TMEM62: variants seen among roughly 807,000 people sequenced by gnomAD.
TMEM62 encodes transmembrane protein 62.
TMEM62 carries 41 observed loss-of-function variants against 70.4 expected under a neutral mutation model. The observed-to-expected ratio is 0.58, with a 90% CI of 0.45 to 0.76. The LOEUF (loss-of-function observed/expected upper bound fraction) is 0.76. Ranked by LOEUF, TMEM62 falls within the 30% of genes least tolerant of loss-of-function variation. The pLI is 0.00. For missense variants in TMEM62, 688 were observed against 788.5 expected, an observed-to-expected ratio of 0.87 and a Z score of 1.53; for synonymous variants, 268 against 291.0, an observed-to-expected ratio of 0.92 and a Z score of 0.80.
chr15:43,160,678 T>C lies in TMEM62; in HGVS notation c.1183-3T>C. The C allele has an allele frequency of 6.4e-7, 1 of 1,559,428 alleles. No homozygotes were observed. The highest frequency in any genetic ancestry group is 8.8e-7 in the Non-Finnish European group (1 of 1,136,970). On this transcript the variant is annotated splice_polypyrimidine_tract_variant and splice_region_variant and intron_variant, in intron 9 of 13. Coordinates refer to ENST00000260403, the MANE Select transcript of TMEM62 (RefSeq NM_024956.4). The stretch of plus-strand genomic sequence containing the variant: ...GTTACTTTTCTTCTGTGGTTATTAC[T>C]AGGATTCTGCTGGAAGAAGTAAGAG...
intron 11 of TMEM62, 165 bp downstream of exon 11, chr15:43,169,842 AC>A (rs1362484312): frequency 5.2e-6 from 3 of 574,176 alleles, no homozygotes. Context: ...CAGTTGGATT[AC>A]AGTTGGGATT....
At chr15:43,178,336 A>G (rs2040985237) in intron 11 of TMEM62, among the ~76,000 whole-genome samples, 1 of 152,112 alleles carries the variant, frequency 6.6e-6, no homozygotes, top group Admixed American at 6.6e-5. Context: ...ATTGTGATAT[A>G]TATAACAATT....
chr15:43,157,812 A>G (rs990508374), intron 9 of TMEM62, among the ~76,000 whole-genome samples: 1 of 152,186 alleles, frequency 6.6e-6, no homozygotes, highest in African/African-American at 2.4e-5. Flanking sequence ...CGAACTACCC[A>G]TTTAATGTTC....
chr15:43,145,574 T>C (rs1029136562), intron 4 of TMEM62, among the ~76,000 whole-genome samples: 6 of 152,196 alleles, frequency 3.9e-5, no homozygotes, highest in African/African-American at 1.4e-4. Context: ...TAAATTGGGT[T>C]TGACTAATTT....
intron 8 of TMEM62, among the ~76,000 whole-genome samples, chr15:43,152,356 T>C (rs2037500488): frequency 1.3e-5 from 2 of 152,200 alleles, no homozygotes; most frequent in African/African-American, 4.8e-5. Context: ...ATAATCCTTA[T>C]GGAATTGAAA....
intron 11 of TMEM62, among the ~76,000 whole-genome samples, chr15:43,175,267 A>G (rs1303123414): frequency 6.6e-6 from 1 of 152,250 alleles, no homozygotes; most frequent in African/African-American, 2.4e-5. Context: ...AGGAAAGGTC[A>G]TGCATTATCA....
chr15:43,137,148 A>G (rs1458886159), intron 3 of TMEM62, among the ~76,000 whole-genome samples: 1 of 152,238 alleles, frequency 6.6e-6, no homozygotes, highest in African/African-American at 2.4e-5. Flanking sequence ...TGGTAAGGAA[A>G]TGAACTCTTC....
intron 8 of TMEM62, among the ~76,000 whole-genome samples, chr15:43,152,818 G>A (rs949756427): frequency 2.0e-5 from 3 of 152,144 alleles, no homozygotes; most frequent in Non-Finnish European, 4.4e-5. Flanking sequence ...AATTTATTTT[G>A]AAAAGTAATA....
chr15:43,165,672 G>A (rs1010224024), intron 10 of TMEM62, among the ~76,000 whole-genome samples: 1 of 151,798 alleles, frequency 6.6e-6, no homozygotes, highest in African/African-American at 2.4e-5. Flanking sequence ...GGCGGAGCTT[G>A]TAGTGAGCCA....
At position 43,162,433 on chromosome 15, in the gene TMEM62, C is replaced by CTTTTTTTTTTTTTTTTTTT. The variant is rs1169921008; in HGVS notation, c.1296+1652_1296+1653insTTTTTTTTTTTTTTTTTTT. Among the ~76,000 whole-genome samples the CTTTTTTTTTTTTTTTTTTT allele has an allele frequency of 5.4e-3, 738 of 136,872 alleles. 37 individuals are homozygous for CTTTTTTTTTTTTTTTTTTT. Among genetic ancestry groups the CTTTTTTTTTTTTTTTTTTT allele is most frequent in the African/African-American group, 0.022 (707 of 32,430 alleles). The allele number at this position is 136,872 out of a possible 152,430, so 89.8% of individuals were successfully genotyped here. On this transcript the variant is annotated intron_variant, in intron 10 of 13. Coordinates refer to ENST00000260403, the MANE Select transcript of TMEM62 (RefSeq NM_024956.4). ...CAGGCGTGAGCCACTGCCCCTGGCC[C>CTTTTTTTTTTTTTTTTTTT]TTTTTTTTTTTTTGTTGAGCTGGAG... is the stretch of plus-strand genomic sequence containing the variant.
chr15:43,159,941 C>T (rs1596290997), intron 9 of TMEM62, among the ~76,000 whole-genome samples: 1 of 152,016 alleles, frequency 6.6e-6, no homozygotes, highest in Admixed American at 6.6e-5. Flanking sequence ...CTAATATTTA[C>T]TCTTTAAATG....
intron 10 of TMEM62, among the ~76,000 whole-genome samples, chr15:43,167,573 G>C (rs1237823899): frequency 6.6e-6 from 1 of 151,956 alleles, no homozygotes; most frequent in African/African-American, 2.4e-5. Context: ...GATGGCGGCC[G>C]GGAAGAGGCG....
chr15:43,138,481 GA>G, intron 3 of TMEM62, 92 bp from the exon 4 acceptor site: 2 of 1,039,648 alleles, frequency 1.9e-6, no homozygotes. Context: ...AATTGTTATA[GA>G]AAGAATTATT....
At chr15:43,173,098 T>C (rs1345759046) in intron 11 of TMEM62, among the ~76,000 whole-genome samples, 2 of 152,052 alleles carry the variant, frequency 1.3e-5, no homozygotes, top group African/African-American at 2.4e-5. Context: ...TGTGGTGGCA[T>C]GCACCTGTAA....
At chr15:43,167,722 G>A (rs2039685292) in intron 10 of TMEM62, among the ~76,000 whole-genome samples, 1 of 152,180 alleles carries the variant, frequency 6.6e-6, no homozygotes, top group East Asian at 1.9e-4. Flanking sequence ...CAGACGGGGT[G>A]GCGGCCGGGT....
At chr15:43,135,875 C>A (rs2035161990) in intron 3 of TMEM62, 3 of 389,292 alleles carry the variant, frequency 7.7e-6, no homozygotes, top group Non-Finnish European at 1.4e-5. Flanking sequence ...TATGCTGCTT[C>A]TTTTTTTATT....
At position 43,146,525 on chromosome 15, in the gene TMEM62, T is replaced by A. The variant is rs776240659; in HGVS notation, c.509T>A (p.Phe170Tyr). 6.2e-7 allele frequency: 1 copy of A among 1,613,548 alleles called. No homozygotes were observed. Among genetic ancestry groups the A allele is most frequent in the Admixed American group, 1.7e-5 (1 of 59,932 alleles). ...TCTGCTGTACGTAGAGATGGCTCTTTCCATTATGTCCACAGTACTCCCTTT... is the reference window on the plus strand; with the variant it reads ...TCTGCTGTACGTAGAGATGGCTCTTACCATTATGTCCACAGTACTCCCTTT... ...KYSAVRRDGS[F>Y]HYVHSTPFGN... The change falls in exon 5 of 14, where the codon TTC (phenylalanine) becomes TAC (tyrosine). Residue 170 changes from phenylalanine to tyrosine, a missense_variant. By Grantham distance (22) the Phe-to-Tyr change is conservative. Transcript: ENST00000260403.
rs1288302421 is a variant in TMEM62, at chr15:43,133,994, G to C, written c.180+12G>C. On this transcript the variant is annotated intron_variant, in intron 1 of 13. Coordinates refer to ENST00000260403, the MANE Select transcript of TMEM62 (RefSeq NM_024956.4). ...TCTGGGGCCTGCAGGTGACGCGGCG[G>C]GAAGCCGGGCCGGGAGGCAGGTGCA... The C allele has an allele frequency of 1.4e-6, 2 of 1,438,118 alleles. No individual in the cohort carries two copies. Among genetic ancestry groups the C allele is most frequent in the Non-Finnish European group, 1.8e-6 (2 of 1,101,480 alleles). The allele number at this position is 1,438,118 out of a possible 1,614,324, so 89.1% of individuals were successfully genotyped here.
chr15:43,183,917 C>T (rs1331234861), intron 13 of TMEM62, among the ~76,000 whole-genome samples: 1 of 152,196 alleles, frequency 6.6e-6, no homozygotes, highest in Non-Finnish European at 1.5e-5. Context: ...GTCCTCCCCT[C>T]ACTCCACCAA....
Sources: gnomAD v4.1 joint callset for allele counts (sites outside exome capture counted in the v4.1 genomes callset) on GRCh38, gnomAD v4.1.1 for gene constraint, MANE v1.5 for transcripts, NCBI Gene and HGNC (gene_info 2026-07-23, HGNC 2026-07-21) for gene names.